LEPR: variants seen among roughly 807,000 people sequenced by gnomAD.
The protein encoded by LEPR is OB receptor.
LEPR carries 56 observed loss-of-function variants against 114.7 expected under a neutral mutation model. The ratio of observed to expected loss-of-function variants is 0.49; its 90% confidence interval spans 0.39 to 0.61. The LOEUF (loss-of-function observed/expected upper bound fraction) is 0.61. LEPR is among the 20% of genes least tolerant of loss of function. LEPR has a pLI of 0.00. For synonymous variants in LEPR, 443 were observed against 461.4 expected, an observed-to-expected ratio of 0.96 and a Z score of 0.51; for missense variants, 1,202 against 1,352.9, an observed-to-expected ratio of 0.89 and a Z score of 1.75.
intron 2 of LEPR, among the ~76,000 whole-genome samples, chr1:65,559,636 C>A (rs2100758193): frequency 9.4e-6 from 1 of 106,154 alleles, no homozygotes; most frequent in East Asian, 2.1e-4. Context: ...ATGCCTATGT[C>A]CTGAATGGTC....
intron 2 of LEPR, chr1:65,435,494 A>C: frequency 2.5e-6 from 1 of 398,296 alleles, no homozygotes; most frequent in Non-Finnish European, 3.4e-6. Context: ...CAGCCTCCCA[A>C]GGAGCTGGGA....
intron 6 of LEPR, 131 bp from the exon 7 acceptor site, chr1:65,596,317 C>T: frequency 3.6e-6 from 4 of 1,125,930 alleles, no homozygotes; most frequent in Non-Finnish European, 5.1e-6. Context: ...ATAATTAGTC[C>T]TTGGATAAAG....
At chr1:65,584,605 A>C (rs1456822732) in intron 5 of LEPR, among the ~76,000 whole-genome samples, 1 of 152,132 alleles carries the variant, frequency 6.6e-6, no homozygotes, top group Non-Finnish European at 1.5e-5. Context: ...GAATACACAC[A>C]AAGCAGTTTT....
At chr1:65,634,937 G>A (rs1570870035) in intron 19 of LEPR, 1 of 813,314 alleles carries the variant, frequency 1.2e-6, no homozygotes, top group South Asian at 5.7e-5. Flanking sequence ...ATGAATAATA[G>A]GAAAGTTGTA....
chr1:65,605,108 A>G lies in LEPR; in HGVS notation c.1474A>G (p.Ser492Gly), dbSNP rs1158263055. 3.1e-6 allele frequency: 5 copies of G among 1,614,066 alleles called. No homozygotes were observed. The highest frequency in any genetic ancestry group is 4.2e-6 in the Non-Finnish European group (5 of 1,180,002). Reference protein sequence around the residue: ...ISEPKDCYLQSDGFYECIFQP... With the variant: ...ISEPKDCYLQGDGFYECIFQP... ...TGAGCCCAAAGATTGCTATTTGCAG[A>G]GTGATGGTTTTTATGAATGCATTTT... Residue 492 changes from serine (S) to glycine (G), a missense_variant, in exon 11 of 20, where the codon AGT becomes GGT. Physicochemically the swap from Ser to Gly is moderately conservative, Grantham distance 56. Transcript: ENST00000349533.
chr1:65,424,797 TTCTC>T (rs1646326106), intron 1 of LEPR, among the ~76,000 whole-genome samples: 2 of 152,084 alleles, frequency 1.3e-5, no homozygotes, highest in African/African-American at 4.8e-5. Flanking sequence ...GTGCTCTACT[TTCTC>T]TCTTCTTATA....
chr1:65,429,269 G>C (rs1486198956), intron 2 of LEPR, among the ~76,000 whole-genome samples: 1 of 152,082 alleles, frequency 6.6e-6, no homozygotes, highest in African/African-American at 2.4e-5. Flanking sequence ...TGCAAGCAGG[G>C]GGCACAGCTA....
At chr1:65,621,036 A>G (rs888521893) in intron 17 of LEPR, among the ~76,000 whole-genome samples, 4 of 152,160 alleles carry the variant, frequency 2.6e-5, no homozygotes, top group African/African-American at 9.7e-5. Flanking sequence ...AGGAGTAGAT[A>G]CTGAGACAGT....
At chr1:65,430,991 A>G (rs9436303) in intron 2 of LEPR, among the ~76,000 whole-genome samples, 43,119 of 152,088 alleles carry the variant, frequency 0.28, 6,545 homozygotes, top group African/African-American at 0.4. Flanking sequence ...ATAAAGAAGA[A>G]TCCAGTGTGG....
At chr1:65,626,185 C>CT in intron 19 of LEPR, 4 of 1,609,346 alleles carry the variant, frequency 2.5e-6, no homozygotes, top group Non-Finnish European at 3.4e-6. Flanking sequence ...TGCTTGTAGA[C>CT]TACGTCCTAC....
chr1:65,620,193 A>G (rs1019466851), intron 17 of LEPR, among the ~76,000 whole-genome samples, 170 bp downstream of exon 17: 9 of 152,176 alleles, frequency 5.9e-5, no homozygotes, highest in Admixed American at 2.6e-4. Flanking sequence ...TCCTCTAAAA[A>G]TAAAACTGGA....
rs761865486 is a variant in LEPR, at chr1:65,616,201, C to A, written c.2189C>A (p.Thr730Asn). ...IGASVANFNL[T>N]FSWPMSKVNI... ...GCTTCTGTTGCAAATTTTAATTTAACCTTTTCATGGCCTATGAGCAAAGGT... is the reference window on the plus strand; with the variant it reads ...GCTTCTGTTGCAAATTTTAATTTAAACTTTTCATGGCCTATGAGCAAAGGT... The change falls in exon 15 of 20, where the codon ACC becomes AAC. Residue 730 changes from threonine to asparagine, a missense_variant. Thr to Asn is a moderately conservative substitution (Grantham distance 65). Transcript: ENST00000349533. 2 of 1,614,026 alleles carry A rather than the reference C, an allele frequency of 1.2e-6. No homozygotes were observed. The highest frequency in any genetic ancestry group is 1.7e-6 in the Non-Finnish European group (2 of 1,179,940).
Position 65,500,593 on chromosome 1 carries a change from G to C in LEPR, c.-20-64953G>C, listed in dbSNP as rs141621804. Among the ~76,000 whole-genome samples, 744 of 152,150 alleles carry C rather than the reference G, an allele frequency of 4.9e-3. 5 individuals are homozygous for C. The highest frequency in any genetic ancestry group is 0.017 in the African/African-American group (716 of 41,514). On this transcript the variant is annotated intron_variant, in intron 2 of 19. Coordinates refer to ENST00000349533, the MANE Select transcript of LEPR (RefSeq NM_002303.6). ...ACTTAATGAATAGTAAATATATTTT[G>C]TCTAACTTACGATTTTCTGAATAAC...
chr1:65,591,910 A>AT lies in LEPR; in HGVS notation c.495-741dup, dbSNP rs531234729. Among the ~76,000 whole-genome samples, 366 of 150,238 alleles carry AT rather than the reference A, an allele frequency of 2.4e-3. 2 individuals carry two copies. Among genetic ancestry groups the AT allele is most frequent in the African/African-American group, 8.4e-3 (344 of 41,028 alleles). The stretch of plus-strand genomic sequence containing the variant: ...TTCCTCTTTTTATGCCTTCTTTTTG[A>AT]TTTTTTAAATGATTCTACTTAATAT... On this transcript the variant is annotated intron_variant, in intron 5 of 19. Transcript: ENST00000349533.
At chr1:65,600,528 A>G (rs536026572) in intron 8 of LEPR, among the ~76,000 whole-genome samples, 4 of 152,182 alleles carry the variant, frequency 2.6e-5, no homozygotes, top group Non-Finnish European at 5.9e-5. Flanking sequence ...ACAAATTTTC[A>G]TAGTCTATCA....
At chr1:65,488,283 CCTCCCTCT>C (rs1647678153) in intron 2 of LEPR, among the ~76,000 whole-genome samples, 1 of 123,554 alleles carries the variant, frequency 8.1e-6, no homozygotes, top group Non-Finnish European at 1.7e-5. Context: ...TCTTTCTTTC[CCTCCCTCT>C]CTCTCTCTCT....
chr1:65,592,650 A>C lies in LEPR; in HGVS notation c.495-7A>C, dbSNP rs1655785562. 6.2e-7 allele frequency: 1 copy of C among 1,612,392 alleles called. No individual in the cohort carries two copies. Among genetic ancestry groups the C allele is most frequent in the African/African-American group, 1.3e-5 (1 of 74,766 alleles). On this transcript the variant is annotated splice_polypyrimidine_tract_variant and splice_region_variant and intron_variant, in intron 5 of 19. Coordinates refer to ENST00000349533, the MANE Select transcript of LEPR (RefSeq NM_002303.6). ...TTTTAATATTTAGCTCTTATTTTTC[A>C]ATATAGGCCTGAAGTGTTAGAAGAT...
chr1:65,439,805 G>A (rs576752978), intron 2 of LEPR, among the ~76,000 whole-genome samples: 2 of 139,156 alleles, frequency 1.4e-5, no homozygotes, highest in East Asian at 4.3e-4. Context: ...TCCAGCCTGG[G>A]CAACAAGAGT....
At chr1:65,534,928 G>GA (rs1207569037) in intron 2 of LEPR, among the ~76,000 whole-genome samples, 1 of 152,178 alleles carries the variant, frequency 6.6e-6, no homozygotes, top group Non-Finnish European at 1.5e-5. Flanking sequence ...GTTTTTCTCA[G>GA]AATTAATTAT....
Sources: gnomAD v4.1 joint callset for allele counts (sites outside exome capture counted in the v4.1 genomes callset) on GRCh38, gnomAD v4.1.1 for gene constraint, MANE v1.5 for transcripts, NCBI Gene and HGNC (gene_info 2026-07-23, HGNC 2026-07-21) for gene names.